The following TAS2R1 variants were observed in gnomAD, a reference collection of about 807,000 sequenced individuals.
The protein encoded by TAS2R1 is taste receptor type 2 member 1.
For missense variants in TAS2R1, 370 were observed against 353.4 expected (o/e 1.05, Z -0.38); for synonymous variants, 141 against 134.2 (o/e 1.05, Z -0.35).
the TAS2R1 span, among the ~76,000 whole-genome samples, chr5:9,790,612 T>A: frequency 6.6e-6 from 1 of 152,160 alleles, no homozygotes; most frequent in Admixed American, 6.6e-5. Context: ...TGTGTGTGCA[T>A]GTGTGTGTGT....
chr5:9,725,358 T>G, the TAS2R1 span, among the ~76,000 whole-genome samples: 1 of 152,164 alleles, frequency 6.6e-6, no homozygotes, highest in South Asian at 2.1e-4. Context: ...TGTGGGCCAG[T>G]GGGAGTTCTG....
chr5:9,668,957 A>C (rs1740696541), intron 1 of TAS2R1, among the ~76,000 whole-genome samples: 1 of 152,190 alleles, frequency 6.6e-6, no homozygotes, highest in African/African-American at 2.4e-5. Flanking sequence ...CTCAATTAAA[A>C]GGCAGAGTGA....
chr5:9,818,676 C>T, the TAS2R1 span, among the ~76,000 whole-genome samples: 2 of 152,192 alleles, frequency 1.3e-5, no homozygotes, highest in African/African-American at 4.8e-5. Flanking sequence ...TCTTTTAAGC[C>T]TAGACCTGGA....
rs1042618270 is a variant in TAS2R1, at chr5:9,628,087, A to G, written c.*1046T>C. ...CTTGTCTGGAAGCAAAATGGTTCTGAAGCTGTTTTGGAAATATACAAGTAT... is the reference window on the plus strand; with the variant it reads ...CTTGTCTGGAAGCAAAATGGTTCTGGAGCTGTTTTGGAAATATACAAGTAT... On this transcript the variant is annotated 3_prime_UTR_variant, in exon 1 of 1. Coordinates refer to ENST00000382492, the MANE Select transcript of TAS2R1 (RefSeq NM_019599.3). Among the ~76,000 whole-genome samples, 4 of 152,156 alleles carry G rather than the reference A, an allele frequency of 2.6e-5. No homozygotes were observed. Among genetic ancestry groups the G allele is most frequent in the African/African-American group, 9.7e-5 (4 of 41,424 alleles).
At chr5:9,752,535 C>A in the TAS2R1 span, among the ~76,000 whole-genome samples, 14 of 151,136 alleles carry the variant, frequency 9.3e-5, no homozygotes, top group African/African-American at 3.4e-4. Flanking sequence ...CTCCCACTTA[C>A]GAATTCTTAG....
At chr5:9,775,758 G>A in the TAS2R1 span, among the ~76,000 whole-genome samples, 1 of 151,994 alleles carries the variant, frequency 6.6e-6, no homozygotes, top group African/African-American at 2.4e-5. Context: ...TGGAATGGGG[G>A]CCTCAGGACT....
At chr5:9,715,667 T>G (rs1440565400), upstream of TAS2R1, among the ~76,000 whole-genome samples, 1 of 151,732 alleles carries the variant, frequency 6.6e-6, no homozygotes, top group Admixed American at 6.6e-5. Flanking sequence ...CCTAGAGAGG[T>G]GAGGAGAAGG....
At chr5:9,872,366 T>C in the TAS2R1 span, among the ~76,000 whole-genome samples, 2 of 152,240 alleles carry the variant, frequency 1.3e-5, no homozygotes, top group Admixed American at 1.3e-4. Context: ...GAGAGAATCA[T>C]ATCTGTAGCC....
At chr5:9,677,226 A>T (rs1740894504) in intron 1 of TAS2R1, among the ~76,000 whole-genome samples, 1 of 152,162 alleles carries the variant, frequency 6.6e-6, no homozygotes, top group Admixed American at 6.5e-5. Flanking sequence ...GGACACATAG[A>T]CCGGAACAAC....
At chr5:9,640,898 G>T (rs1740069379) in intron 2 of TAS2R1, among the ~76,000 whole-genome samples, 1 of 152,174 alleles carries the variant, frequency 6.6e-6, no homozygotes, top group Non-Finnish European at 1.5e-5. Context: ...GACAGTCATT[G>T]TTTTCTAGCT....
At chr5:9,842,409 C>A in the TAS2R1 span, among the ~76,000 whole-genome samples, 1 of 150,660 alleles carries the variant, frequency 6.6e-6, no homozygotes, top group African/African-American at 2.5e-5. Flanking sequence ...CAACCTCCAC[C>A]TCCCAGGTTT....
the TAS2R1 span, among the ~76,000 whole-genome samples, chr5:9,755,587 C>CAAAAAAAAAAAA: frequency 2.1e-5 from 2 of 94,864 alleles, no homozygotes; most frequent in Non-Finnish European, 2.1e-5. Context: ...ACTCCATCTC[C>CAAAAAAAAAAAA]AAAAAAAAAA....
At chr5:9,648,849 T>G (rs1740249731) in intron 2 of TAS2R1, among the ~76,000 whole-genome samples, 1 of 151,996 alleles carries the variant, frequency 6.6e-6, no homozygotes, top group African/African-American at 2.4e-5. Flanking sequence ...GAAGGCAGGG[T>G]CGGTGCCCAG....
At chr5:9,745,960 T>C in the TAS2R1 span, among the ~76,000 whole-genome samples, 1 of 152,044 alleles carries the variant, frequency 6.6e-6, no homozygotes, top group African/African-American at 2.4e-5. Flanking sequence ...CAAAAGAAAC[T>C]ATCATCAGAA....
At chr5:9,681,970 T>G (rs1741003359) in intron 1 of TAS2R1, among the ~76,000 whole-genome samples, 1 of 152,186 alleles carries the variant, frequency 6.6e-6, no homozygotes, top group Non-Finnish European at 1.5e-5. Flanking sequence ...CTCTGGTTGT[T>G]TTAATTGCCT....
chr5:9,897,679 G>T, the TAS2R1 span, among the ~76,000 whole-genome samples: 4 of 152,278 alleles, frequency 2.6e-5, no homozygotes, highest in Non-Finnish European at 4.4e-5. Flanking sequence ...CCATTCTTGG[G>T]AGGGTTCTTT....
intron 2 of TAS2R1, among the ~76,000 whole-genome samples, chr5:9,638,507 T>C (rs1740010221): frequency 6.6e-6 from 1 of 152,070 alleles, no homozygotes; most frequent in Non-Finnish European, 1.5e-5. Context: ...CTTCCTGGGG[T>C]CAGGGTTATT....
At chr5:9,840,857 A>ATTTATTTTTTTTTTTTT in the TAS2R1 span, among the ~76,000 whole-genome samples, 7 of 132,080 alleles carry the variant, frequency 5.3e-5, 1 homozygote, top group African/African-American at 2.0e-4. Flanking sequence ...TTATTTATTT[A>ATTTATTTTTTTTTTTTT]TTTTTTTTTT....
the TAS2R1 span, among the ~76,000 whole-genome samples, chr5:9,825,223 C>A: frequency 2.7e-3 from 416 of 152,228 alleles, 1 homozygote; most frequent in Non-Finnish European, 4.9e-3. Context: ...CCTGAGACTG[C>A]ATAATTTATA....
Sources: allele counts gnomAD v4.1 joint callset (sites outside exome capture counted in the v4.1 genomes callset), GRCh38; gene constraint gnomAD v4.1.1; transcripts MANE v1.5; gene names NCBI Gene and HGNC (gene_info 2026-07-23, HGNC 2026-07-21).